Variants in SHISA6 observed in about 807,000 individuals in gnomAD.
The protein encoded by SHISA6 is shisa family member 6.
A neutral mutation model predicts 47.9 loss-of-function variants in SHISA6; 22 were observed. The observed-to-expected ratio is 0.46, with a 90% CI of 0.33 to 0.66. SHISA6 has a LOEUF of 0.66. Ranked by LOEUF, SHISA6 falls within the 30% of genes least tolerant of loss-of-function variation. The pLI is 0.02. For missense variants in SHISA6, 680 were observed against 764.6 expected, an observed-to-expected ratio of 0.89 and a Z score of 1.30; for synonymous variants, 388 against 337.8, an observed-to-expected ratio of 1.15 and a Z score of -1.63.
chr17:11,242,160 C>T, intron 1 of SHISA6, 100 bp downstream of exon 1: 1 of 1,449,604 alleles, frequency 6.9e-7, no homozygotes, highest in Non-Finnish European at 9.3e-7. Flanking sequence ...CACACCTCCC[C>T]AGGCCCTCTA....
chr17:11,526,006 T>C, intron 3 of SHISA6, among the ~76,000 whole-genome samples: 1 of 112,918 alleles, frequency 8.9e-6, no homozygotes, highest in African/African-American at 3.5e-5. Flanking sequence ...AGACCCTATC[T>C]TAAAAAGAAA....
chr17:11,507,933 C>T (rs2071513446), intron 3 of SHISA6, among the ~76,000 whole-genome samples: 1 of 152,216 alleles, frequency 6.6e-6, no homozygotes, highest in Non-Finnish European at 1.5e-5. Flanking sequence ...CTCCCACACA[C>T]AGGAGACATG....
intron 2 of SHISA6, among the ~76,000 whole-genome samples, chr17:11,327,560 G>A (rs2142201646): frequency 6.6e-6 from 1 of 152,348 alleles, no homozygotes; most frequent in African/African-American, 2.4e-5. Flanking sequence ...ACTTTGGGAG[G>A]CCAAGGCGGG....
intron 1 of SHISA6, among the ~76,000 whole-genome samples, chr17:11,262,920 T>C (rs1908286017): frequency 6.6e-6 from 1 of 152,186 alleles, no homozygotes; most frequent in South Asian, 2.1e-4. Context: ...GTCTCCAGTA[T>C]CTAGTACATG....
intron 3 of SHISA6, among the ~76,000 whole-genome samples, chr17:11,437,964 A>C (rs1914987514): frequency 6.6e-6 from 1 of 152,170 alleles, no homozygotes; most frequent in Admixed American, 6.5e-5. Flanking sequence ...GACTCCAACC[A>C]TAATGTCACT....
At chr17:11,391,582 C>T (rs965562121) in intron 3 of SHISA6, among the ~76,000 whole-genome samples, 3 of 152,130 alleles carry the variant, frequency 2.0e-5, no homozygotes, top group South Asian at 4.2e-4. Context: ...CTTCTCAGCA[C>T]GACTGTCCCC....
chr17:11,401,257 G>A (rs911573933), intron 3 of SHISA6, among the ~76,000 whole-genome samples: 16 of 152,156 alleles, frequency 1.1e-4, no homozygotes, highest in African/African-American at 3.6e-4. Context: ...GTGCAGCAGT[G>A]CAATCTCCCC....
chr17:11,380,525 G>A (rs1912974264), intron 3 of SHISA6: 1 of 152,144 alleles, frequency 6.6e-6, no homozygotes, highest in South Asian at 2.1e-4. Context: ...CTCCAGAATG[G>A]GAAATGGACT....
At chr17:11,248,706 G>T (rs1907684666) in intron 1 of SHISA6, among the ~76,000 whole-genome samples, 1 of 152,072 alleles carries the variant, frequency 6.6e-6, no homozygotes, top group African/African-American at 2.4e-5. Flanking sequence ...TTTCTTAAGG[G>T]CAATAACCTA....
intron 2 of SHISA6, among the ~76,000 whole-genome samples, chr17:11,318,496 A>G (rs1161557652): frequency 1.3e-5 from 2 of 152,032 alleles, no homozygotes; most frequent in African/African-American, 4.8e-5. Context: ...GGTTCTTTCA[A>G]TGTGAGCCTG....
chr17:11,385,114 A>G (rs1913150625), intron 3 of SHISA6, among the ~76,000 whole-genome samples: 1 of 152,192 alleles, frequency 6.6e-6, no homozygotes, highest in Admixed American at 6.5e-5. Flanking sequence ...CTTTGGAGCA[A>G]TTAAGGCAGG....
intron 3 of SHISA6, among the ~76,000 whole-genome samples, chr17:11,479,565 C>T (rs1916161153): frequency 6.6e-6 from 1 of 151,860 alleles, no homozygotes; most frequent in East Asian, 1.9e-4. Flanking sequence ...CACCATGGCA[C>T]ATGTATACTT....
chr17:11,372,783 G>T (rs757260047), intron 2 of SHISA6, among the ~76,000 whole-genome samples: 6 of 152,100 alleles, frequency 3.9e-5, no homozygotes, highest in Non-Finnish European at 8.8e-5. Context: ...TTTCAGCCGT[G>T]CATGGTTGTA....
At chr17:11,380,288 AC>A (rs916908714) in intron 3 of SHISA6, 1 of 152,216 alleles carries the variant, frequency 6.6e-6, no homozygotes, top group Non-Finnish European at 1.5e-5. Context: ...CCCCTGAGAT[AC>A]GTGTCTTGTG....
intron 3 of SHISA6, among the ~76,000 whole-genome samples, chr17:11,406,902 A>G (rs1469619418): frequency 6.6e-6 from 1 of 152,216 alleles, no homozygotes; most frequent in East Asian, 1.9e-4. Flanking sequence ...TCTTCTGTGT[A>G]AATAGGCACA....
chr17:11,558,460 G>GCTGACTGCCCGCCCATAAGGACCCT lies in SHISA6; in HGVS notation c.*156_*157insCTGACTGCCCGCCCATAAGGACCCT. The GCTGACTGCCCGCCCATAAGGACCCT allele has an allele frequency of 2.5e-6, 2 of 792,652 alleles. No homozygotes were observed. The allele number at this position is 792,652 out of a possible 1,614,324, so 49.1% of individuals were successfully genotyped here. The stretch of plus-strand genomic sequence containing the variant: ...CCTTTGCCCAAAAAGCCATACCCCC[G>GCTGACTGCCCGCCCATAAGGACCCT]GGGACACAGCCCCGATGGCCTGGTC... On this transcript the variant is annotated 3_prime_UTR_variant, in exon 6 of 6. Coordinates refer to ENST00000441885, the MANE Select transcript of SHISA6 (RefSeq NM_207386.4).
chr17:11,560,785 T>TC lies in SHISA6; in HGVS notation c.*2484dup, dbSNP rs1179364376. 2.0e-5 allele frequency: 3 copies of TC among 152,142 alleles called. No individual in the cohort carries two copies. Among genetic ancestry groups the TC allele is most frequent in the South Asian group, 4.2e-4 (2 of 4,818 alleles). 9.4% of individuals were successfully genotyped at this position (152,142 alleles called of 1,614,324 possible). A position where few individuals can be genotyped will look rare whatever the true frequency, so the allele number is the denominator to read the frequency against. On this transcript the variant is annotated 3_prime_UTR_variant, in exon 6 of 6. Coordinates refer to ENST00000441885, the MANE Select transcript of SHISA6 (RefSeq NM_207386.4). ...TGAGTTGATTCCAAGACATTTCTCA[T>TC]CCCAGCCTTACCACTGTCTGGCTGA...
At chr17:11,313,121 C>A (rs1430592796) in intron 2 of SHISA6, among the ~76,000 whole-genome samples, 3 of 152,162 alleles carry the variant, frequency 2.0e-5, no homozygotes, top group Non-Finnish European at 1.5e-5. Context: ...CTGATCCTAG[C>A]ACACCACTTC....
chr17:11,443,783 A>G (rs1196580637), intron 3 of SHISA6, among the ~76,000 whole-genome samples: 1 of 152,196 alleles, frequency 6.6e-6, no homozygotes, highest in Non-Finnish European at 1.5e-5. Context: ...AAGTAGTGCT[A>G]TTACTTCTGA....
Sources: gnomAD v4.1 joint callset for allele counts (sites outside exome capture counted in the v4.1 genomes callset) on GRCh38, gnomAD v4.1.1 for gene constraint, MANE v1.5 for transcripts, NCBI Gene and HGNC (gene_info 2026-07-23, HGNC 2026-07-21) for gene names.